Variants in AGAP1 observed in about 807,000 individuals in gnomAD.
AGAP1 encodes arf-GAP with GTPase, ANK repeat and PH domain-containing protein 1.
In AGAP1, 29 loss-of-function variants were observed where a neutral mutation model predicts 105.3. The observed-to-expected ratio is 0.28, with a 90% CI of 0.21 to 0.38. The LOEUF (loss-of-function observed/expected upper bound fraction) is 0.38. Among genes scored for constraint, AGAP1 ranks in the 10% least tolerant of loss-of-function variants. The pLI is 1.00. For missense variants in AGAP1, 998 were observed against 1,165.1 expected (o/e 0.86, Z 2.09); for synonymous variants, 509 against 485.9 (o/e 1.05, Z -0.63).
rs191364733 is a variant in AGAP1 at position 235,628,791 on chromosome 2, A to C, written c.164-80388A>C. ...GCTTCCCCTCCCATCCTTCCCCCCA[A>C]GTCCCCGAAGTCCATGTATCATTCT... On this transcript the variant is annotated intron_variant, in intron 1 of 17. Coordinates refer to ENST00000304032, the MANE Select transcript of AGAP1 (RefSeq NM_001037131.3). Among the ~76,000 whole-genome samples, 5 of 151,908 alleles carry C rather than the reference A, an allele frequency of 3.3e-5. No individual in the cohort carries two copies. In the East Asian group the frequency reaches 9.7e-4, roughly 29 times the overall value.
intron 12 of AGAP1, among the ~76,000 whole-genome samples, chr2:235,937,245 G>A (rs959412220): frequency 6.6e-6 from 1 of 152,196 alleles, no homozygotes; most frequent in Non-Finnish European, 1.5e-5. Flanking sequence ...CGCCAGGCTG[G>A]CCGGCCTAAT....
intron 11 of AGAP1, among the ~76,000 whole-genome samples, chr2:235,913,294 ATATC>A (rs1447598167): frequency 6.6e-6 from 1 of 152,128 alleles, no homozygotes; most frequent in African/African-American, 2.4e-5. Context: ...ATATGCATAT[ATATC>A]TGTGTGTATG....
chr2:235,813,448 C>T (rs1205578769), intron 9 of AGAP1, among the ~76,000 whole-genome samples: 2 of 152,224 alleles, frequency 1.3e-5, no homozygotes, highest in Non-Finnish European at 2.9e-5. Context: ...CTCAGTGTGT[C>T]CTCTGTGTAT....
At chr2:236,077,683 A>C (rs2058677318) in intron 16 of AGAP1, among the ~76,000 whole-genome samples, 1 of 152,202 alleles carries the variant, frequency 6.6e-6, no homozygotes, top group South Asian at 2.1e-4. Flanking sequence ...TTGAGCCGTC[A>C]TTACATAGTC....
In AGAP1 at chr2:235,633,521, AG is replaced by A. The variant is rs1361580357; in HGVS notation, c.164-75656del. The stretch of plus-strand genomic sequence containing the variant: ...AGCAGGAGAATCCCTCGAACCCAGG[AG>A]GAGGAGGTTGCAGTGAGTCAAGATC... On this transcript the variant is annotated intron_variant, in intron 1 of 17. Coordinates refer to ENST00000304032, the MANE Select transcript of AGAP1 (RefSeq NM_001037131.3). The surrounding 1 kb of genome is among the most constrained non-coding windows in gnomAD (Gnocchi z 4.8). Among the ~76,000 whole-genome samples the A allele has an allele frequency of 3.3e-5, 5 of 152,170 alleles. No homozygotes were observed. The highest frequency in any genetic ancestry group is 1.2e-4 in the African/African-American group (5 of 41,444).
At chr2:235,519,357 G>C (rs986681520) in intron 1 of AGAP1, among the ~76,000 whole-genome samples, 9 of 152,186 alleles carry the variant, frequency 5.9e-5, no homozygotes, top group Admixed American at 3.9e-4. Flanking sequence ...ACAGTCATGA[G>C]CCACCGCACA....
At chr2:235,841,443 A>G (rs1245922530) in intron 9 of AGAP1, among the ~76,000 whole-genome samples, 3 of 152,116 alleles carry the variant, frequency 2.0e-5, no homozygotes, top group African/African-American at 7.2e-5. Flanking sequence ...AGCCTGGGCA[A>G]CATAGTGAGG....
intron 1 of AGAP1, among the ~76,000 whole-genome samples, chr2:235,500,871 C>A (rs1026759370): frequency 3.3e-5 from 5 of 152,152 alleles, no homozygotes; most frequent in Admixed American, 1.3e-4. Context: ...ACAGAGTGGT[C>A]CCATGGCGGC....
chr2:235,670,928 G>C (rs1190806608), intron 1 of AGAP1: 1 of 1,326,442 alleles, frequency 7.5e-7, no homozygotes, highest in Non-Finnish European at 9.6e-7. Flanking sequence ...GCGCAGGGAC[G>C]GGGGCCCGGG....
rs1945725314 is a variant in AGAP1 at position 235,601,359 on chromosome 2, G to C, written c.163+106510G>C. On this transcript the variant is annotated intron_variant, in intron 1 of 17. Coordinates refer to ENST00000304032, the MANE Select transcript of AGAP1 (RefSeq NM_001037131.3). This position sits in a 1 kb window ranked among gnomAD's most constrained non-coding sequence, Gnocchi z 4.4. ...TCCTCTTGTTATAAGAACACCAGTT[G>C]TATTAGTCTGTTGTCGTGCTGCTAA... is the stretch of plus-strand genomic sequence containing the variant. Among the ~76,000 whole-genome samples the C allele has an allele frequency of 6.6e-6, 1 of 152,150 alleles. No individual in the cohort carries two copies. The highest frequency in any genetic ancestry group is 2.4e-5 in the African/African-American group (1 of 41,432).
At chr2:235,890,894 C>T (rs1044686407) in intron 10 of AGAP1, among the ~76,000 whole-genome samples, 28 of 139,808 alleles carry the variant, frequency 2.0e-4, no homozygotes, top group African/African-American at 6.2e-4. Context: ...CTAAGGAAAA[C>T]GCTGTCCTGA....
intron 17 of AGAP1, among the ~76,000 whole-genome samples, chr2:236,122,095 G>A (rs1040028628): frequency 8.4e-6 from 1 of 118,698 alleles, no homozygotes; most frequent in East Asian, 2.2e-4. Context: ...GGGACCACAG[G>A]CATGCCACCC....
At chr2:235,667,683 T>TTTA (rs972213491) in intron 1 of AGAP1, among the ~76,000 whole-genome samples, 17 of 152,114 alleles carry the variant, frequency 1.1e-4, no homozygotes, top group African/African-American at 4.1e-4. Context: ...TTCTTTAGCC[T>TTTA]GGCGTGGTGG....
intron 12 of AGAP1, among the ~76,000 whole-genome samples, chr2:235,942,250 T>C (rs1180626947): frequency 6.6e-5 from 10 of 152,176 alleles, no homozygotes. Context: ...TTCCCCTGGT[T>C]CCAGGAGTCC....
intron 4 of AGAP1, among the ~76,000 whole-genome samples, chr2:235,742,745 C>T (rs1258643653): frequency 1.3e-5 from 2 of 152,166 alleles, no homozygotes; most frequent in Non-Finnish European, 2.9e-5. Flanking sequence ...TTTAGAATCA[C>T]CTGAGTTGAT....
intron 16 of AGAP1, among the ~76,000 whole-genome samples, chr2:236,065,584 G>A (rs1263637939): frequency 6.6e-6 from 1 of 152,220 alleles, no homozygotes; most frequent in African/African-American, 2.4e-5. Context: ...GAGGCCCACA[G>A]GGGCTGCAGA....
intron 1 of AGAP1, among the ~76,000 whole-genome samples, chr2:235,656,094 C>T (rs1026896584): frequency 6.6e-6 from 1 of 152,192 alleles, no homozygotes; most frequent in Admixed American, 6.5e-5. Flanking sequence ...AGGAAGACTG[C>T]AGCCCCCATT....
chr2:235,583,553 ATTTTTTTT>A (rs763297542), intron 1 of AGAP1, among the ~76,000 whole-genome samples: 12 of 128,452 alleles, frequency 9.3e-5, no homozygotes, highest in African/African-American at 3.1e-4. Flanking sequence ...TACCTGGCTA[ATTTTTTTT>A]TTTTTTTTTT....
chr2:235,895,556 G>A (rs113052869), intron 10 of AGAP1, among the ~76,000 whole-genome samples: 3 of 152,050 alleles, frequency 2.0e-5, no homozygotes, highest in African/African-American at 4.8e-5. Flanking sequence ...CCCCACACTC[G>A]GCCTATTTGG....
Sources: gnomAD v4.1 joint callset for allele counts (sites outside exome capture counted in the v4.1 genomes callset) on GRCh38, gnomAD v4.1.1 for gene constraint, Gnocchi (gnomAD v3.1) non-coding constraint, MANE v1.5 for transcripts, NCBI Gene and HGNC (gene_info 2026-07-23, HGNC 2026-07-21) for gene names.